HSPG2: variants seen among roughly 807,000 people sequenced by gnomAD.
HSPG2 encodes the protein heparan sulfate proteoglycan 2.
HSPG2 carries 278 observed loss-of-function variants against 526.6 expected under a neutral mutation model. The ratio of observed to expected loss-of-function variants is 0.53; its 90% CI spans 0.48 to 0.58. The LOEUF (loss-of-function observed/expected upper bound fraction) is 0.58, where lower values mean the gene tolerates loss of function less well. Among genes scored for constraint, HSPG2 ranks in the 20% least tolerant of loss-of-function variants. The probability of loss-of-function intolerance (pLI) is 0.00; values close to 1 mark genes in which losing one functional copy is unlikely to be tolerated. For synonymous variants in HSPG2, 2,465 were observed against 2,555.4 expected (o/e 0.96, Z 1.07); for missense variants, 5,354 against 6,099.5 (o/e 0.88, Z 4.07).
chr1:21,878,626 C>T lies in HSPG2; in HGVS notation c.2509G>A (p.Ala837Thr). 1 of 1,614,138 alleles carries T rather than the reference C, an allele frequency of 6.2e-7. No homozygotes were observed. Among genetic ancestry groups the T allele is most frequent in the Non-Finnish European group, 8.5e-7 (1 of 1,180,040 alleles). The change falls in exon 19 of 97, where the codon GCC (alanine) becomes ACC (threonine). Residue 837 changes from alanine to threonine, a missense_variant. Coordinates refer to ENST00000374695, the MANE Select transcript of HSPG2 (RefSeq NM_005529.7). Reference protein sequence around the residue: ...DTCFLDTDGQATCDACAPGYT... With the variant: ...DTCFLDTDGQTTCDACAPGYT... ...CCTGGGGCACAGGCGTCACATGTGGCTTGGCCATCCGTGTCCAGGAAGCAA... is the reference window on the plus strand; with the variant it reads ...CCTGGGGCACAGGCGTCACATGTGGTTTGGCCATCCGTGTCCAGGAAGCAA...
intron 85 of HSPG2, chr1:21,830,414 T>TG (rs1285728620): frequency 1.8e-5 from 7 of 381,642 alleles, no homozygotes; most frequent in Non-Finnish European, 3.5e-5. Flanking sequence ...GGGCCGGGCG[T>TG]GGGGGCTCAT....
At position 21,893,413 on chromosome 1, in the gene HSPG2, C is replaced by T. The variant is rs562121982; in HGVS notation, c.244+2509G>A. Among the ~76,000 whole-genome samples the T allele has an allele frequency of 1.1e-4, 17 of 152,322 alleles. 1 individual carries two copies. In the East Asian group the frequency reaches 3.1e-3, roughly 28 times the overall value. ...TGGGCAGGGGCAGTGGCTGGCCTAG[C>T]CCCTGGACTCTGCAGGGAGGTGCCT... On this transcript the variant is annotated intron_variant, in intron 3 of 96. Coordinates refer to ENST00000374695, the MANE Select transcript of HSPG2 (RefSeq NM_005529.7). This position sits in a 1 kb window ranked among gnomAD's most constrained non-coding sequence, Gnocchi z 4.3.
At chr1:21,863,640 G>A (rs944894941) in intron 37 of HSPG2, among the ~76,000 whole-genome samples, 1 of 151,728 alleles carries the variant, frequency 6.6e-6, no homozygotes, top group Non-Finnish European at 1.5e-5. Context: ...CCAGCTACTC[G>A]GGAGGCTGAG....
At chr1:21,928,635 G>T (rs1644268258) in intron 1 of HSPG2, among the ~76,000 whole-genome samples, 1 of 152,146 alleles carries the variant, frequency 6.6e-6, no homozygotes, top group African/African-American at 2.4e-5. Context: ...TAGAGACGGG[G>T]TTTCACCATC....
chr1:21,824,520 C>A lies in HSPG2; in HGVS notation c.12744+17G>T. 2 of 1,612,792 alleles carry A rather than the reference C, an allele frequency of 1.2e-6. No individual in the cohort carries two copies. The highest frequency in any genetic ancestry group is 1.7e-6 in the Non-Finnish European group (2 of 1,179,876). ...GCCCCAGGAGCCCCAAGAGCCCAGC[C>A]GGATACCCACACTCACCACACCCTG... On this transcript the variant is annotated intron_variant, in intron 93 of 96. Coordinates refer to ENST00000374695, the MANE Select transcript of HSPG2 (RefSeq NM_005529.7). The surrounding 1 kb of genome is among the most constrained non-coding windows in gnomAD (Gnocchi z 5.9).
chr1:21,886,714 G>T (rs1641921664), intron 9 of HSPG2, among the ~76,000 whole-genome samples: 1 of 152,136 alleles, frequency 6.6e-6, no homozygotes, highest in South Asian at 2.1e-4. Flanking sequence ...CAGATGGATG[G>T]GTGGATAGAT....
chr1:21,884,453 C>T (rs1260227635), intron 13 of HSPG2, 75 bp downstream of exon 13: 1 of 1,588,262 alleles, frequency 6.3e-7, no homozygotes, highest in African/African-American at 1.3e-5. Flanking sequence ...CTGTCCGCAT[C>T]TATCCTCTGT....
intron 71 of HSPG2, 107 bp from the exon 72 acceptor site, chr1:21,840,124 C>G (rs2098042765): frequency 1.2e-6 from 1 of 868,734 alleles, no homozygotes; most frequent in Non-Finnish European, 1.9e-6. Context: ...GCCTTGGTAT[C>G]TATTTATTTA....
chr1:21,829,297 C>T, intron 87 of HSPG2, 86 bp downstream of exon 87: 2 of 1,460,496 alleles, frequency 1.4e-6, no homozygotes, highest in East Asian at 2.3e-5. Flanking sequence ...CTGCATTTAT[C>T]CTCCCATGCC....
Position 21,885,170 on chromosome 1 carries a change from G to A in HSPG2, c.1211-13C>T. Reference sequence around the variant, plus strand: ...ACCTGGGGGGGCACTGAGGAGACCAGGGCAGGAGTGAGGGGTCGGGGGCAA... The same window carrying A: ...ACCTGGGGGGGCACTGAGGAGACCAAGGCAGGAGTGAGGGGTCGGGGGCAA... On this transcript the variant is annotated splice_polypyrimidine_tract_variant and intron_variant, in intron 10 of 96. Coordinates refer to ENST00000374695, the MANE Select transcript of HSPG2 (RefSeq NM_005529.7). The A allele has an allele frequency of 6.2e-7, 1 of 1,605,616 alleles. No individual in the cohort carries two copies.
Position 21,824,035 on chromosome 1 carries a change from A to G in HSPG2, c.12899+86T>C. 7.9e-7 allele frequency: 1 copy of G among 1,265,118 alleles called. No homozygotes were observed. The allele number at this position is 1,265,118 out of a possible 1,614,324, so 78.4% of individuals were successfully genotyped here. ...AAGTTCTGTCTCCACAGAGCTCAAT[A>G]CCTGCCTCTCTGCCCATGGTAGGGG... On this transcript the variant is annotated intron_variant, in intron 95 of 96. Transcript: ENST00000374695. This position sits in a 1 kb window ranked among gnomAD's most constrained non-coding sequence, Gnocchi z 5.9.
chr1:21,870,213 C>T, intron 33 of HSPG2: 1 of 985,156 alleles, frequency 1.0e-6, no homozygotes, highest in South Asian at 4.7e-5. Context: ...CCTCAGTTAC[C>T]TGTGATGCCC....
chr1:21,928,841 C>T (rs983523754), intron 1 of HSPG2, among the ~76,000 whole-genome samples: 1 of 152,044 alleles, frequency 6.6e-6, no homozygotes, highest in African/African-American at 2.4e-5. Flanking sequence ...CCTCCGCCTC[C>T]CGGGTTCAAG....
Position 21,872,126 on chromosome 1 carries a change from G to C in HSPG2, c.4221+60C>G. The C allele has an allele frequency of 1.3e-6, 2 of 1,529,710 alleles. 1 individual carries two copies. The highest frequency in any genetic ancestry group is 1.8e-6 in the Non-Finnish European group (2 of 1,128,020). 94.8% of individuals were successfully genotyped at this position (1,529,710 alleles called of 1,614,324 possible). On this transcript the variant is annotated intron_variant, in intron 33 of 96. Transcript: ENST00000374695. This position sits in a 1 kb window ranked among gnomAD's most constrained non-coding sequence, Gnocchi z 5.5. ...GGCAGGTGCCTGCCTGCTGAGAGAC[G>C]GCGCAGAGGTGAACTCATGTCTGAG...
chr1:21,863,065 A>ACAAAAAAAAAAAAAAAC lies in HSPG2; in HGVS notation c.4741-951_4741-950insGTTTTTTTTTTTTTTTG, dbSNP rs1284437509. Among the ~76,000 whole-genome samples, 27 of 72,638 alleles carry ACAAAAAAAAAAAAAAAC rather than the reference A, an allele frequency of 3.7e-4. 1 individual carries two copies. Among genetic ancestry groups the ACAAAAAAAAAAAAAAAC allele is most frequent in the South Asian group, 1.1e-3 (2 of 1,804 alleles). The allele number at this position is 72,638 out of a possible 152,430, so 47.7% of individuals were successfully genotyped here. On this transcript the variant is annotated intron_variant, in intron 37 of 96. Transcript: ENST00000374695. ...ACAAAAGCGAGACTCCATCTCAAAA[A>ACAAAAAAAAAAAAAAAC]AAAAAAAAAAAAAAAAAAAAAAAGA...
chr1:21,833,077 GGA>G (rs2098011653), intron 80 of HSPG2, 189 bp downstream of exon 80: 1 of 655,708 alleles, frequency 1.5e-6, no homozygotes, highest in Admixed American at 2.2e-5. Flanking sequence ...AGGCAGGGAT[GGA>G]GAAGCCGGGA....
chr1:21,933,573 C>A (rs532109420), intron 1 of HSPG2, among the ~76,000 whole-genome samples: 2 of 152,240 alleles, frequency 1.3e-5, no homozygotes, highest in African/African-American at 2.4e-5. Flanking sequence ...CACCGTCTCC[C>A]GGGCAGGGCT....
chr1:21,872,627 C>T lies in HSPG2; in HGVS notation c.4022G>A (p.Arg1341His), dbSNP rs1361296280. The T allele has an allele frequency of 6.3e-6, 10 of 1,586,678 alleles. No homozygotes were observed. The East Asian group carries it at 9.1e-5, about 14-fold the overall frequency. ...GGCAGCACAGGCTCTCACCAGGTGGCGTGTGTAGGCAGAGCTGGCGCACTG... is the reference window on the plus strand; with the variant it reads ...GGCAGCACAGGCTCTCACCAGGTGGTGTGTGTAGGCAGAGCTGGCGCACTG... ...TQQCASSAYT[R>H]HLISTHFAPG... The change falls in exon 32 of 97, where the codon CGC becomes CAC. Residue 1341 changes from arginine to histidine, a missense_variant. Physicochemically the swap from Arg to His is conservative, Grantham distance 29. Coordinates refer to ENST00000374695, the MANE Select transcript of HSPG2 (RefSeq NM_005529.7). This position sits in a 1 kb window ranked among gnomAD's most constrained non-coding sequence, Gnocchi z 5.5.
Position 21,847,411 on chromosome 1 carries a change from C to T in HSPG2, c.8107G>A (p.Asp2703Asn), listed in dbSNP as rs767795803. ...ATGACGATGGAGGCCTCCAGGGCAT[C>T]GATGTTGTTGTTGGCCCGGCACACA... is the stretch of plus-strand genomic sequence containing the variant. ...EYVCRANNNI[D>N]ALEASIVISV... Residue 2703 changes from aspartate (D) to asparagine (N), a missense_variant, in exon 62 of 97, where the codon GAT (aspartate) becomes AAT (asparagine). Physicochemically the swap from Asp to Asn is conservative, Grantham distance 23. Coordinates refer to ENST00000374695, the MANE Select transcript of HSPG2 (RefSeq NM_005529.7). This position sits in a 1 kb window ranked among gnomAD's most constrained non-coding sequence, Gnocchi z 4.1. 25 of 1,613,816 alleles carry T rather than the reference C, an allele frequency of 1.5e-5. No individual in the cohort carries two copies. The highest frequency in any genetic ancestry group is 1.9e-5 in the Non-Finnish European group (23 of 1,180,042).
Sources: gnomAD v4.1 joint callset for allele counts (sites outside exome capture counted in the v4.1 genomes callset) on GRCh38, gnomAD v4.1.1 for gene constraint, Gnocchi (gnomAD v3.1) non-coding constraint, MANE v1.5 for transcripts, NCBI Gene and HGNC (gene_info 2026-07-23, HGNC 2026-07-21) for gene names.